Variants in NCK2 observed in about 807,000 individuals in gnomAD.
NCK2 encodes cytoplasmic protein NCK2.
NCK2 carries 16 observed loss-of-function variants against 33.9 expected under a neutral mutation model. The observed-to-expected ratio is 0.47, with a 90% CI of 0.32 to 0.72. NCK2 has a LOEUF of 0.72. Among genes scored for constraint, NCK2 ranks in the 30% least tolerant of loss-of-function variants. The pLI, the probability that NCK2 is intolerant of heterozygous loss-of-function variation, is 0.03. For missense variants in NCK2, 418 were observed against 537.3 expected (o/e 0.78, Z 2.19); for synonymous variants, 273 against 239.9 (o/e 1.14, Z -1.27).
intron 2 of NCK2, among the ~76,000 whole-genome samples, chr2:105,819,586 G>A (rs1341613701): frequency 6.6e-6 from 1 of 152,210 alleles, no homozygotes; most frequent in Non-Finnish European, 1.5e-5. Flanking sequence ...AAGGTGGTGA[G>A]GCAGGGGAGT....
At position 105,893,715 on chromosome 2, in the gene NCK2, C is replaced by G. The variant is rs1232796484; in HGVS notation, c.*539C>G. On this transcript the variant is annotated 3_prime_UTR_variant, in exon 5 of 5. Transcript: ENST00000233154. ...TGGCAGTGAGGAGACTGCCCAGTGC[C>G]TTTGGGGCTGTGCTTGCAATAAAGA... 8.2e-6 allele frequency: 1 copy of G among 121,338 alleles called. No homozygotes were observed. The highest frequency in any genetic ancestry group is 3.3e-5 in the African/African-American group (1 of 30,344). The allele number at this position is 121,338 out of a possible 1,614,324, so 7.5% of individuals were successfully genotyped here.
Position 105,851,423 on chromosome 2 carries a change from C to T in NCK2, c.-16-3625C>T, listed in dbSNP as rs886382406. On this transcript the variant is annotated intron_variant, in intron 2 of 4. Transcript: ENST00000233154. ...GGACTACAGGAGCGTGCCACCACCCCCGGCTGCTCTTTTTGTATTAGAGAC... is the reference window on the plus strand; with the variant it reads ...GGACTACAGGAGCGTGCCACCACCCTCGGCTGCTCTTTTTGTATTAGAGAC... Among the ~76,000 whole-genome samples the T allele has an allele frequency of 1.3e-4, 20 of 152,194 alleles. 1 individual carries two copies. The highest frequency in any genetic ancestry group is 3.4e-4 in the African/African-American group (14 of 41,450).
At chr2:105,762,690 AT>A (rs1689806203) in intron 1 of NCK2, among the ~76,000 whole-genome samples, 1 of 152,196 alleles carries the variant, frequency 6.6e-6, no homozygotes, top group African/African-American at 2.4e-5. Context: ...AATGGTCACT[AT>A]TTTCCTGTTA....
intron 1 of NCK2, among the ~76,000 whole-genome samples, 192 bp from the exon 2 acceptor site, chr2:105,816,238 G>A (rs1218484852): frequency 2.0e-5 from 3 of 152,186 alleles, no homozygotes; most frequent in African/African-American, 7.2e-5. Flanking sequence ...CTCAGGAGGT[G>A]CAAGTTGCCG....
intron 1 of NCK2, among the ~76,000 whole-genome samples, chr2:105,759,823 G>A (rs1224379031): frequency 6.6e-6 from 1 of 152,160 alleles, no homozygotes; most frequent in Non-Finnish European, 1.5e-5. Context: ...TGCTTTTCAG[G>A]TGTTTTGTAG....
In NCK2 at chr2:105,894,099, G is replaced by A. The variant is rs914633912; in HGVS notation, c.*923G>A. 1 of 152,510 alleles carries A rather than the reference G, an allele frequency of 6.6e-6. No individual in the cohort carries two copies. The highest frequency in any genetic ancestry group is 2.4e-5 in the African/African-American group (1 of 41,400). 9.4% of individuals were successfully genotyped at this position (152,510 alleles called of 1,614,324 possible). A position where few individuals can be genotyped will look rare whatever the true frequency, so the allele number is the denominator to read the frequency against. On this transcript the variant is annotated 3_prime_UTR_variant, in exon 5 of 5. Transcript: ENST00000233154. ...TGTGATTGGTAGTAAGAGACACACA[G>A]AATGTTTATGAAGAAATTGCATTTT...
chr2:105,750,068 A>ACACACACAC (rs1553449505), intron 1 of NCK2, among the ~76,000 whole-genome samples: 6 of 151,160 alleles, frequency 4.0e-5, no homozygotes, highest in African/African-American at 1.2e-4. Flanking sequence ...ACACACACAC[A>ACACACACAC]AAACAACAAC....
intron 3 of NCK2, among the ~76,000 whole-genome samples, chr2:105,879,179 T>C (rs1209226223): frequency 6.6e-6 from 1 of 152,238 alleles, no homozygotes; most frequent in African/African-American, 2.4e-5. Context: ...AATTCACATG[T>C]TTGCAAAGGT....
At position 105,773,516 on chromosome 2, in the gene NCK2, C is replaced by T. The variant is rs1388336231; in HGVS notation, c.-201+28378C>T. 2.0e-5 allele frequency among the ~76,000 whole-genome samples: 3 copies of T among 152,048 alleles called. 1 individual carries two copies. The highest frequency in any genetic ancestry group is 2.9e-5 in the Non-Finnish European group (2 of 67,972). The stretch of plus-strand genomic sequence containing the variant: ...GGTAACTTCAGTGTCATAGAAAGAC[C>T]CCATGGTGTCTGGCATCTGTGCTTC... On this transcript the variant is annotated intron_variant, in intron 1 of 4. Transcript: ENST00000233154.
chr2:105,882,091 T>TG, intron 4 of NCK2, 42 bp downstream of exon 4: 1 of 1,469,988 alleles, frequency 6.8e-7, no homozygotes, highest in Non-Finnish European at 9.0e-7. Flanking sequence ...AGGCAGTAAA[T>TG]GCGCCTTGCG....
intron 1 of NCK2, chr2:105,745,666 A>G (rs765241366): frequency 6.6e-6 from 1 of 152,212 alleles, no homozygotes; most frequent in East Asian, 1.9e-4. Flanking sequence ...GTTTATTACA[A>G]CTATTTATGT....
chr2:105,883,641 T>C (rs898387691), intron 4 of NCK2, among the ~76,000 whole-genome samples: 3 of 152,108 alleles, frequency 2.0e-5, no homozygotes, highest in Admixed American at 6.5e-5. Context: ...CAGGTGGTCA[T>C]TGCTGTCTGA....
intron 1 of NCK2, among the ~76,000 whole-genome samples, chr2:105,763,067 A>G (rs750482346): frequency 5.0e-4 from 76 of 152,188 alleles, no homozygotes; most frequent in Non-Finnish European, 8.5e-4. Context: ...GCGTGGTGGT[A>G]TGTGCCTGTA....
At chr2:105,855,352 T>A in intron 3 of NCK2, 63 bp downstream of exon 3, 1 of 1,280,132 alleles carries the variant, frequency 7.8e-7, no homozygotes, top group Non-Finnish European at 1.1e-6. Context: ...TTCGTCTTTC[T>A]AGTTAGTTTG....
At chr2:105,892,936 C>G in intron 4 of NCK2, 46 bp from the exon 5 acceptor site, 1 of 1,532,554 alleles carries the variant, frequency 6.5e-7, no homozygotes, top group South Asian at 1.2e-5. Context: ...TTAGACACAG[C>G]TCCCCGCTGT....
intron 1 of NCK2, among the ~76,000 whole-genome samples, chr2:105,801,365 C>A (rs114782847): frequency 3.0e-4 from 45 of 152,262 alleles, no homozygotes; most frequent in African/African-American, 1.1e-3. Flanking sequence ...TTGCCTCCCC[C>A]CTTCCCCATG....
intron 1 of NCK2, among the ~76,000 whole-genome samples, chr2:105,768,379 T>C (rs1391309950): frequency 6.6e-6 from 1 of 152,208 alleles, no homozygotes; most frequent in Non-Finnish European, 1.5e-5. Flanking sequence ...TTTTCAGGGT[T>C]CGTGCCGGCC....
At chr2:105,863,547 C>T (rs1357433645) in intron 3 of NCK2, among the ~76,000 whole-genome samples, 3 of 151,988 alleles carry the variant, frequency 2.0e-5, no homozygotes, top group South Asian at 2.1e-4. Context: ...TTCATCTGGT[C>T]GGGATGTGAA....
intron 1 of NCK2, among the ~76,000 whole-genome samples, chr2:105,755,607 T>C (rs532348202): frequency 1.2e-4 from 18 of 152,370 alleles, no homozygotes; most frequent in Middle Eastern, 3.4e-3. Flanking sequence ...TATTAGTTAT[T>C]AGACCTAGAT....
Sources: gnomAD v4.1 joint callset for allele counts (sites outside exome capture counted in the v4.1 genomes callset) on GRCh38, gnomAD v4.1.1 for gene constraint, MANE v1.5 for transcripts, NCBI Gene and HGNC (gene_info 2026-07-23, HGNC 2026-07-21) for gene names.